ANK2: variants seen among roughly 807,000 people sequenced by gnomAD.
ANK2 encodes the protein ankyrin 2, also known as ankyrin-2.
ANK2 carries 83 observed loss-of-function variants against 360.5 expected under a neutral mutation model. The observed-to-expected ratio is 0.23, with a 90% CI of 0.19 to 0.28. The LOEUF is 0.28. Among genes scored for constraint, ANK2 ranks in the 10% least tolerant of loss-of-function variants. ANK2 has a pLI of 1.00. For synonymous variants in ANK2, 1,740 were observed against 1,759.5 expected (o/e 0.99, Z 0.28); for missense variants, 4,201 against 4,795.7 (o/e 0.88, Z 3.66).
intron 1 of ANK2, among the ~76,000 whole-genome samples, chr4:112,889,409 C>G (rs892997358): frequency 6.6e-6 from 1 of 152,098 alleles, no homozygotes; most frequent in Non-Finnish European, 1.5e-5. Flanking sequence ...TCTACATGGC[C>G]TATGCTCATC....
intron 2 of ANK2, among the ~76,000 whole-genome samples, chr4:112,951,240 T>C (rs2094964514): frequency 6.6e-6 from 1 of 152,144 alleles, no homozygotes; most frequent in Non-Finnish European, 1.5e-5. Context: ...GCAAATGAGA[T>C]GTTCATTGAT....
chr4:113,290,114 C>T (rs1290202426), intron 20 of ANK2, among the ~76,000 whole-genome samples: 1 of 151,578 alleles, frequency 6.6e-6, no homozygotes, highest in Non-Finnish European at 1.5e-5. Flanking sequence ...GTTTGACCTG[C>T]ACTGAATGAA....
Position 113,050,152 on chromosome 4 carries a change from G to A in ANK2, c.84+340G>A, listed in dbSNP as rs115618902. 3.3e-5 allele frequency among the ~76,000 whole-genome samples: 5 copies of A among 151,742 alleles called. No homozygotes were observed. The East Asian group carries it at 9.8e-4, about 30-fold the overall frequency. ...TCGTTTTATTTTTAGTGTGTAAAAG[G>A]AAGAGTGTTAAGCAACGTGGATTGT... On this transcript the variant is annotated intron_variant, in intron 1 of 45. Transcript: ENST00000357077.
chr4:113,258,248 A>T, intron 12 of ANK2, 65 bp from the exon 13 acceptor site: 1 of 1,584,628 alleles, frequency 6.3e-7, no homozygotes, highest in Non-Finnish European at 8.7e-7. Context: ...AGTTTTATTT[A>T]TCTGAAGAAG....
chr4:113,022,176 T>C (rs145829947), intron 2 of ANK2, among the ~76,000 whole-genome samples: 2 of 152,348 alleles, frequency 1.3e-5, no homozygotes, highest in African/African-American at 4.8e-5. Context: ...GCTGGACATA[T>C]GTATTTGATA....
rs2095925015 is a variant in ANK2 at position 113,358,154 on chromosome 4, C to A, written c.9536C>A (p.Ala3179Glu). 6.2e-7 allele frequency: 1 copy of A among 1,613,946 alleles called. No homozygotes were observed. Among genetic ancestry groups the A allele is most frequent in the African/African-American group, 1.3e-5 (1 of 74,918 alleles). Residue 3179 changes from alanine (A) to glutamate (E), a missense_variant, in exon 38 of 46, where the codon GCA (alanine) becomes GAA (glutamate). Physicochemically the swap from Ala to Glu is moderately radical, Grantham distance 107. Around this residue, in one of 4 missense-constraint regions of ANK2, gnomAD observed 2,642 missense variants for 2,714.5 expected, o/e 0.97. Transcript: ENST00000357077. ...SESKETVDDE[A>E]DLLPDDVSEE... ...TCAAAAGAAACAGTGGATGATGAGG[C>A]AGACTTACTTCCAGATGACGTGAGT...
intron 2 of ANK2, among the ~76,000 whole-genome samples, chr4:113,037,139 A>G (rs2154309293): frequency 6.6e-6 from 1 of 152,128 alleles, no homozygotes; most frequent in South Asian, 2.1e-4. Context: ...CTAACTTGTT[A>G]ACTTGCAAGT....
At chr4:113,078,081 A>G (rs549374814) in intron 1 of ANK2, among the ~76,000 whole-genome samples, 1 of 152,352 alleles carries the variant, frequency 6.6e-6, no homozygotes, top group South Asian at 2.1e-4. Context: ...TAAGTGGTTT[A>G]TAAACTACAG....
chr4:113,338,659 C>A (rs915270572), intron 31 of ANK2, among the ~76,000 whole-genome samples: 1 of 149,284 alleles, frequency 6.7e-6, no homozygotes, highest in Non-Finnish European at 1.5e-5. Flanking sequence ...ACGCCATTCT[C>A]CTGCCTCAGC....
intron 1 of ANK2, among the ~76,000 whole-genome samples, chr4:113,055,887 C>T (rs2069491188): frequency 6.6e-6 from 1 of 152,272 alleles, no homozygotes; most frequent in African/African-American, 2.4e-5. Context: ...AGATATCCTC[C>T]TGATTCTTCC....
At position 113,138,669 on chromosome 4, in the gene ANK2, G is replaced by A. The variant is rs544051497; in HGVS notation, c.85-35747G>A. Among the ~76,000 whole-genome samples the A allele has an allele frequency of 1.8e-3, 276 of 152,186 alleles. 3 individuals are homozygous for A. Among genetic ancestry groups the A allele is most frequent in the African/African-American group, 6.5e-3 (271 of 41,528 alleles). On this transcript the variant is annotated intron_variant, in intron 1 of 45. Transcript: ENST00000357077. The stretch of plus-strand genomic sequence containing the variant: ...ATTTTAAAATATTTTGAAATCAATA[G>A]ATTAAAATATTTGAGTATAGGATTA...
At chr4:112,743,554 CTT>C in the ANK2 span, among the ~76,000 whole-genome samples, 2 of 105,870 alleles carry the variant, frequency 1.9e-5, no homozygotes, top group Non-Finnish European at 1.8e-5. Context: ...CTTTTCTATC[CTT>C]TTTTTTTTTT....
At chr4:113,037,416 AG>A (rs535743500) in intron 2 of ANK2, among the ~76,000 whole-genome samples, 147 of 152,114 alleles carry the variant, frequency 9.7e-4, no homozygotes, top group African/African-American at 3.4e-3. Flanking sequence ...CAATCTTTGT[AG>A]CATTAAATGT....
At chr4:113,027,629 C>T (rs1390732375) in intron 2 of ANK2, among the ~76,000 whole-genome samples, 1 of 152,104 alleles carries the variant, frequency 6.6e-6, no homozygotes, top group African/African-American at 2.4e-5. Context: ...AGGTGTCTTA[C>T]AGCCATTTCC....
the ANK2 span, among the ~76,000 whole-genome samples, chr4:112,778,693 A>G: frequency 6.6e-6 from 1 of 152,186 alleles, no homozygotes; most frequent in African/African-American, 2.4e-5. Context: ...ATCGCTGACA[A>G]GGGGCGCCAG....
chr4:112,739,289 A>G, the ANK2 span, among the ~76,000 whole-genome samples: 1 of 152,184 alleles, frequency 6.6e-6, no homozygotes, highest in Non-Finnish European at 1.5e-5. Flanking sequence ...GAAGCACGCC[A>G]CTGCGCCCGG....
chr4:112,947,834 T>A (rs1402726709), intron 2 of ANK2, among the ~76,000 whole-genome samples: 4 of 152,246 alleles, frequency 2.6e-5, no homozygotes, highest in African/African-American at 7.2e-5. Flanking sequence ...TTACTATTAT[T>A]ACTACTGAAG....
At chr4:113,249,740 C>G in intron 9 of ANK2, 24 bp from the exon 10 acceptor site, 2 of 1,611,698 alleles carry the variant, frequency 1.2e-6, no homozygotes, top group South Asian at 2.2e-5. Flanking sequence ...GAACTTGGGC[C>G]TAATTCTTTA....
intron 18 of ANK2, among the ~76,000 whole-genome samples, chr4:113,283,410 C>T (rs1322599263): frequency 1.3e-5 from 2 of 152,066 alleles, no homozygotes; most frequent in Non-Finnish European, 2.9e-5. Flanking sequence ...TTTTTTCCAT[C>T]AACGTAGGCC....
Sources: gnomAD v4.1 joint callset for allele counts (sites outside exome capture counted in the v4.1 genomes callset) on GRCh38, gnomAD v4.1.1 for gene constraint, gnomAD v4.1.1 regional missense constraint, MANE v1.5 for transcripts, NCBI Gene and HGNC (gene_info 2026-07-23, HGNC 2026-07-21) for gene names.